ZFYVE9: variants seen among roughly 807,000 people sequenced by gnomAD.
ZFYVE9 encodes zinc finger FYVE-type containing 9, also known as zinc finger FYVE domain-containing protein 9.
Under a neutral mutation model 126.7 loss-of-function variants are expected in ZFYVE9, and 43 were observed. The ratio of observed to expected loss-of-function variants is 0.34; its 90% CI spans 0.27 to 0.44. ZFYVE9 has a LOEUF of 0.44. Ranked by LOEUF, ZFYVE9 falls within the 20% of genes least tolerant of loss-of-function variation. The probability of loss-of-function intolerance (pLI) is 1.00; values close to 1 mark genes in which losing one functional copy is unlikely to be tolerated. For missense variants in ZFYVE9, 1,476 were observed against 1,697.0 expected (o/e 0.87, Z 2.29); for synonymous variants, 521 against 597.4 (o/e 0.87, Z 1.87).
At chr1:52,187,032 C>A (rs1347937112) in intron 1 of ZFYVE9, among the ~76,000 whole-genome samples, 2 of 152,078 alleles carry the variant, frequency 1.3e-5, no homozygotes, top group Non-Finnish European at 2.9e-5. Flanking sequence ...GGAAAAAGAA[C>A]AAAGCTGGAG....
chr1:52,235,677 T>C (rs891326457), intron 3 of ZFYVE9, among the ~76,000 whole-genome samples: 7 of 152,190 alleles, frequency 4.6e-5, no homozygotes, highest in Non-Finnish European at 1.5e-5. Flanking sequence ...GATTTACTTA[T>C]TGCTTCCTTA....
chr1:52,223,989 C>T (rs533654913), intron 2 of ZFYVE9, among the ~76,000 whole-genome samples: 11 of 152,240 alleles, frequency 7.2e-5, no homozygotes, highest in South Asian at 2.1e-4. Context: ...GTTTGATCTG[C>T]GATTCCAAAA....
chr1:52,274,648 G>A, intron 8 of ZFYVE9, 64 bp downstream of exon 8: 3 of 1,460,432 alleles, frequency 2.1e-6, no homozygotes, highest in Non-Finnish European at 2.8e-6. Flanking sequence ...TCTAATTAAG[G>A]TAGAGAGACA....
chr1:52,321,959 C>G (rs576258541), intron 13 of ZFYVE9, among the ~76,000 whole-genome samples: 1 of 152,186 alleles, frequency 6.6e-6, no homozygotes, highest in Non-Finnish European at 1.5e-5. Context: ...TCTAAGCTGA[C>G]ATCTTCCAAA....
chr1:52,212,714 G>T (rs1645039011), intron 1 of ZFYVE9, among the ~76,000 whole-genome samples: 1 of 152,142 alleles, frequency 6.6e-6, no homozygotes, highest in Non-Finnish European at 1.5e-5. Context: ...TATGTGAAAA[G>T]AATTGTGCTG....
intron 1 of ZFYVE9, among the ~76,000 whole-genome samples, chr1:52,178,994 G>A (rs900008696): frequency 6.6e-6 from 1 of 152,058 alleles, no homozygotes; most frequent in African/African-American, 2.4e-5. Context: ...TGTAGAGACA[G>A]GGTCTCCCTT....
At chr1:52,150,209 G>A (rs1558028319) in intron 1 of ZFYVE9, 1 of 152,024 alleles carries the variant, frequency 6.6e-6, no homozygotes, top group Non-Finnish European at 1.5e-5. Flanking sequence ...ATGCTGATCA[G>A]TGTTTGCACT....
At chr1:52,278,922 G>A (rs1488889203) in intron 9 of ZFYVE9, among the ~76,000 whole-genome samples, 1 of 151,138 alleles carries the variant, frequency 6.6e-6, no homozygotes, top group Admixed American at 6.6e-5. Flanking sequence ...TTTTTTTTTA[G>A]TAGAGACAGG....
chr1:52,266,671 C>T lies in ZFYVE9; in HGVS notation c.2295C>T (p.Asn765=). 1 of 1,595,288 alleles carries T rather than the reference C, an allele frequency of 6.3e-7. No homozygotes were observed. Among genetic ancestry groups the T allele is most frequent in the Non-Finnish European group, 8.5e-7 (1 of 1,172,318 alleles). The change falls in exon 6 of 19, where the codon AAC becomes AAT. Residue 765 remains asparagine (N), a synonymous_variant. Coordinates refer to ENST00000287727, the MANE Select transcript of ZFYVE9 (RefSeq NM_004799.4). The stretch of plus-strand genomic sequence containing the variant: ...TTGCTTTAGCTCAAGCCTGGGAGAA[C>T]ATGATGAGTGCCTCAAGCCAGAGCC... The part of the protein sequence containing the change: ...SVLMNAQAWE[N]MMSASSQSPN...
chr1:52,332,654 G>T, intron 13 of ZFYVE9, 114 bp from the exon 14 acceptor site: 1 of 1,265,520 alleles, frequency 7.9e-7, no homozygotes, highest in Non-Finnish European at 1.1e-6. Context: ...GGCCCTTTTT[G>T]TCACTTTAAT....
chr1:52,176,310 G>A (rs979709948), intron 1 of ZFYVE9, among the ~76,000 whole-genome samples: 8 of 152,164 alleles, frequency 5.3e-5, no homozygotes, highest in South Asian at 2.1e-4. Flanking sequence ...GTAGAACAGC[G>A]GATCTTGGTG....
rs1265451834 is a variant in ZFYVE9 at position 52,295,051 on chromosome 1, C to T, written c.3251-844C>T. Among the ~76,000 whole-genome samples, 17 of 151,964 alleles carry T rather than the reference C, an allele frequency of 1.1e-4. 1 individual carries two copies. ...GTGAATCCCATCTCTACTAAAAATA[C>T]AAAAAAATTAGCTGGGTATGGTGGC... On this transcript the variant is annotated intron_variant, in intron 11 of 18. Coordinates refer to ENST00000287727, the MANE Select transcript of ZFYVE9 (RefSeq NM_004799.4).
chr1:52,198,844 C>T (rs542545331), intron 1 of ZFYVE9, among the ~76,000 whole-genome samples: 1 of 152,240 alleles, frequency 6.6e-6, no homozygotes, highest in Non-Finnish European at 1.5e-5. Context: ...TATCAATATC[C>T]TCCACAATTG....
Position 52,317,341 on chromosome 1 carries a change from G to GA in ZFYVE9, c.3438+13419dup, listed in dbSNP as rs544574824. Among the ~76,000 whole-genome samples, 78 of 152,048 alleles carry GA rather than the reference G, an allele frequency of 5.1e-4. 1 individual carries two copies. Among genetic ancestry groups the GA allele is most frequent in the African/African-American group, 1.8e-3 (74 of 41,470 alleles). On this transcript the variant is annotated intron_variant, in intron 13 of 18. Coordinates refer to ENST00000287727, the MANE Select transcript of ZFYVE9 (RefSeq NM_004799.4). ...TTGAGACCAACCTGGCCAACATGGT[G>GA]AAACCCCACCTCTACTAAAAATACA...
At chr1:52,194,758 A>G (rs1478065744) in intron 1 of ZFYVE9, among the ~76,000 whole-genome samples, 1 of 152,200 alleles carries the variant, frequency 6.6e-6, no homozygotes, top group Non-Finnish European at 1.5e-5. Context: ...GGGTAAAGAT[A>G]CAGGTACAAG....
chr1:52,181,188 T>TTC (rs895990152), intron 1 of ZFYVE9, among the ~76,000 whole-genome samples: 6 of 152,104 alleles, frequency 3.9e-5, no homozygotes, highest in African/African-American at 1.4e-4. Flanking sequence ...CCCTGCCTGA[T>TTC]TCTCCTGCCT....
At chr1:52,150,463 G>A (rs1017145195) in intron 1 of ZFYVE9, 1 of 151,596 alleles carries the variant, frequency 6.6e-6, no homozygotes, top group East Asian at 2.0e-4. Context: ...TAGATAGATA[G>A]CTAGATAGAT....
chr1:52,266,405 TAAAAAAAA>T lies in ZFYVE9; in HGVS notation c.2279-228_2279-221del, dbSNP rs33996604. Among the ~76,000 whole-genome samples, 177 of 85,646 alleles carry T rather than the reference TAAAAAAAA, an allele frequency of 2.1e-3. 1 individual carries two copies. Among genetic ancestry groups the T allele is most frequent in the African/African-American group, 6.5e-3 (136 of 20,880 alleles). 56.2% of individuals were successfully genotyped at this position (85,646 alleles called of 152,430 possible). A position where few individuals can be genotyped will look rare whatever the true frequency, so the allele number is the denominator to read the frequency against. ...AGCCACCACTCCCGGTCTAATTCTT[TAAAAAAAA>T]AAAAAAAAAAAAAAAAAAAAATCAT... On this transcript the variant is annotated intron_variant, in intron 5 of 18. Transcript: ENST00000287727.
chr1:52,168,214 CTTTTTTT>C (rs139943554), intron 1 of ZFYVE9, among the ~76,000 whole-genome samples: 5 of 115,016 alleles, frequency 4.3e-5, no homozygotes, highest in South Asian at 2.8e-4. Flanking sequence ...TCTTCGTCTT[CTTTTTTT>C]TTTTTTTTTT....
Sources: gnomAD v4.1 joint callset for allele counts (sites outside exome capture counted in the v4.1 genomes callset) on GRCh38, gnomAD v4.1.1 for gene constraint, MANE v1.5 for transcripts, NCBI Gene and HGNC (gene_info 2026-07-23, HGNC 2026-07-21) for gene names.